CDH12: variants seen among roughly 807,000 people sequenced by gnomAD.
CDH12 encodes the protein cadherin-12.
CDH12 carries 41 observed loss-of-function variants against 74.1 expected under a neutral mutation model. The ratio of observed to expected loss-of-function variants is 0.55; its 90% CI spans 0.43 to 0.72. CDH12 has a LOEUF of 0.72. Among genes scored for constraint, CDH12 ranks in the 30% least tolerant of loss-of-function variants. The probability of loss-of-function intolerance (pLI) is 0.00; values close to 1 mark genes in which losing one functional copy is unlikely to be tolerated. For missense variants in CDH12, 945 were observed against 977.2 expected, an observed-to-expected ratio of 0.97 and a Z score of 0.44; for synonymous variants, 399 against 355.0, an observed-to-expected ratio of 1.12 and a Z score of -1.39.
intron 3 of CDH12, among the ~76,000 whole-genome samples, chr5:22,402,423 C>G (rs1197984602): frequency 6.6e-6 from 1 of 152,144 alleles, no homozygotes; most frequent in African/African-American, 2.4e-5. Context: ...CAAACCAGAT[C>G]CTTGCTAGAA....
rs541646580 is a variant in CDH12, at chr5:22,736,733, C to A, written c.-523+116325G>T. Among the ~76,000 whole-genome samples, 160 of 151,832 alleles carry A rather than the reference C, an allele frequency of 1.1e-3. 2 individuals carry two copies. The South Asian group carries it at 0.029, about 27-fold the overall frequency. Reference sequence around the variant, plus strand: ...AAGTTTAAACACACACACACACACACAAAAAGCCTAGAAATACAGAAGTCA... The same window carrying A: ...AAGTTTAAACACACACACACACACAAAAAAAGCCTAGAAATACAGAAGTCA... On this transcript the variant is annotated intron_variant, in intron 1 of 14. Coordinates refer to ENST00000382254, the MANE Select transcript of CDH12 (RefSeq NM_004061.5).
intron 1 of CDH12, among the ~76,000 whole-genome samples, chr5:22,711,494 G>A (rs1743286446): frequency 6.6e-6 from 1 of 151,984 alleles, no homozygotes; most frequent in Admixed American, 6.6e-5. Context: ...GGTCATCATT[G>A]GAAAACAAAC....
chr5:22,699,945 C>A (rs1324773331), intron 1 of CDH12, among the ~76,000 whole-genome samples: 1 of 152,074 alleles, frequency 6.6e-6, no homozygotes, highest in African/African-American at 2.4e-5. Context: ...GAGGCCGAGG[C>A]AGGCAGATTG....
chr5:21,883,985 G>A (rs878960745), intron 6 of CDH12: 14 of 1,583,612 alleles, frequency 8.8e-6, no homozygotes, highest in South Asian at 4.4e-5. Context: ...AAATTGGTAT[G>A]GAAATTATTA....
intron 8 of CDH12, among the ~76,000 whole-genome samples, chr5:21,827,007 T>C (rs924482857): frequency 6.6e-6 from 1 of 151,830 alleles, no homozygotes; most frequent in Non-Finnish European, 1.5e-5. Flanking sequence ...GCTACTATCG[T>C]GATGTCTTGA....
chr5:21,877,840 G>A (rs558429056), intron 6 of CDH12, among the ~76,000 whole-genome samples: 101 of 152,280 alleles, frequency 6.6e-4, no homozygotes, highest in Non-Finnish European at 1.2e-3. Flanking sequence ...ACCAGATAGA[G>A]CATGAGCTTT....
At position 22,117,808 on chromosome 5, in the gene CDH12, A is replaced by G. The variant is rs906195544; in HGVS notation, c.-186-38946T>C. On this transcript the variant is annotated intron_variant, in intron 4 of 14. Coordinates refer to ENST00000382254, the MANE Select transcript of CDH12 (RefSeq NM_004061.5). Reference sequence around the variant, plus strand: ...ATAATACTGATGTTAGCTAAGCAATATCCTATGTGAAAAAAATGTAATGTT... The same window carrying G: ...ATAATACTGATGTTAGCTAAGCAATGTCCTATGTGAAAAAAATGTAATGTT... Among the ~76,000 whole-genome samples, 4 of 114,292 alleles carry G rather than the reference A, an allele frequency of 3.5e-5. 1 individual carries two copies. Among genetic ancestry groups the G allele is most frequent in the Non-Finnish European group, 7.4e-5 (4 of 53,894 alleles). The allele number at this position is 114,292 out of a possible 152,430, so 75.0% of individuals were successfully genotyped here.
At chr5:22,475,046 AG>A (rs1026226730) in intron 2 of CDH12, among the ~76,000 whole-genome samples, 1 of 150,706 alleles carries the variant, frequency 6.6e-6, no homozygotes, top group African/African-American at 2.4e-5. Context: ...GGTTGACTAG[AG>A]GGGGTGTTTG....
intron 5 of CDH12, among the ~76,000 whole-genome samples, chr5:22,023,300 A>AT (rs1471642332): frequency 6.6e-6 from 1 of 152,064 alleles, no homozygotes; most frequent in African/African-American, 2.4e-5. Flanking sequence ...CCACCTGGAC[A>AT]TTTTTTATTT....
intron 3 of CDH12, among the ~76,000 whole-genome samples, chr5:22,284,912 A>G (rs1193072897): frequency 6.7e-6 from 1 of 149,964 alleles, no homozygotes; most frequent in Non-Finnish European, 1.5e-5. Flanking sequence ...ATGAGATGAA[A>G]GAATAAAGGC....
chr5:22,811,298 A>G (rs1749137837), intron 1 of CDH12, among the ~76,000 whole-genome samples: 1 of 152,142 alleles, frequency 6.6e-6, no homozygotes, highest in Non-Finnish European at 1.5e-5. Context: ...TCTATTCACT[A>G]TTCTTGATCA....
At chr5:22,265,496 C>T (rs1026894281) in intron 3 of CDH12, among the ~76,000 whole-genome samples, 3 of 152,102 alleles carry the variant, frequency 2.0e-5, no homozygotes, top group Admixed American at 1.3e-4. Context: ...TCTGCTCTCT[C>T]GTATGTAGTT....
At chr5:22,473,609 T>A (rs1746054210) in intron 2 of CDH12, among the ~76,000 whole-genome samples, 3 of 152,148 alleles carry the variant, frequency 2.0e-5, no homozygotes, top group Admixed American at 2.0e-4. Context: ...AGGCCCAATT[T>A]TTATTAATTG....
At chr5:22,571,127 C>G (rs1424681348) in intron 1 of CDH12, among the ~76,000 whole-genome samples, 1 of 152,096 alleles carries the variant, frequency 6.6e-6, no homozygotes, top group East Asian at 1.9e-4. Context: ...CTGCTTTGAT[C>G]TATCCAAACC....
chr5:22,257,807 T>C (rs4451019), intron 3 of CDH12, among the ~76,000 whole-genome samples: 2 of 151,736 alleles, frequency 1.3e-5, no homozygotes, highest in East Asian at 1.9e-4. Context: ...CAAATTTTTT[T>C]TGTGTGTGAA....
intron 4 of CDH12, among the ~76,000 whole-genome samples, chr5:22,096,249 G>A (rs1031496028): frequency 1.3e-5 from 2 of 151,918 alleles, no homozygotes; most frequent in South Asian, 2.1e-4. Context: ...GCCAAAAAAC[G>A]GCACTTTCGA....
chr5:22,097,041 C>T (rs1743822950), intron 4 of CDH12, among the ~76,000 whole-genome samples: 1 of 152,194 alleles, frequency 6.6e-6, no homozygotes, highest in African/African-American at 2.4e-5. Flanking sequence ...ACATCTCCAG[C>T]ACACAAGGAC....
intron 6 of CDH12, among the ~76,000 whole-genome samples, chr5:21,951,616 T>A (rs1309378547): frequency 6.6e-6 from 1 of 152,254 alleles, no homozygotes; most frequent in Non-Finnish European, 1.5e-5. Context: ...CACTTTCTAA[T>A]TCAGTTACCT....
At chr5:22,289,487 T>G (rs1459420377) in intron 3 of CDH12, among the ~76,000 whole-genome samples, 1 of 152,186 alleles carries the variant, frequency 6.6e-6, no homozygotes, top group Non-Finnish European at 1.5e-5. Flanking sequence ...GTATCTTCCA[T>G]GAATATTGTC....
Sources: gnomAD v4.1 joint callset for allele counts (sites outside exome capture counted in the v4.1 genomes callset) on GRCh38, gnomAD v4.1.1 for gene constraint, MANE v1.5 for transcripts, NCBI Gene and HGNC (gene_info 2026-07-23, HGNC 2026-07-21) for gene names.